The following RNF216 variants were observed in gnomAD, a reference collection of about 807,000 sequenced individuals.
RNF216 encodes E3 ubiquitin-protein ligase RNF216.
A neutral mutation model predicts 110.8 loss-of-function variants in RNF216; 72 were observed. The observed-to-expected ratio is 0.65, with a 90% CI of 0.54 to 0.79. The LOEUF (loss-of-function observed/expected upper bound fraction) is 0.79. Among genes scored for constraint, RNF216 ranks in the 30% least tolerant of loss-of-function variants. The pLI is 0.00. For synonymous variants in RNF216, 495 were observed against 407.5 expected (o/e 1.21, Z -2.59); for missense variants, 1,342 against 1,141.2 (o/e 1.18, Z -2.54).
chr7:5,629,670 T>TA (rs1584337180), intron 15 of RNF216, among the ~76,000 whole-genome samples: 1 of 151,256 alleles, frequency 6.6e-6, no homozygotes, highest in African/African-American at 2.4e-5. Flanking sequence ...CTACTAAAAA[T>TA]ACAAAAATTA....
chr7:5,672,992 T>C (rs1031613221), intron 13 of RNF216, among the ~76,000 whole-genome samples: 1 of 152,178 alleles, frequency 6.6e-6, no homozygotes, highest in Non-Finnish European at 1.5e-5. Context: ...CTGCGGTTTA[T>C]AGATGTATTG....
At chr7:5,722,314 A>G (rs1314329633) in intron 8 of RNF216, among the ~76,000 whole-genome samples, 2 of 148,842 alleles carry the variant, frequency 1.3e-5, no homozygotes, top group East Asian at 3.9e-4. Context: ...AATATTTACT[A>G]TCTGGTTCCT....
chr7:5,639,950 G>A (rs972229494), intron 15 of RNF216, among the ~76,000 whole-genome samples: 51 of 151,738 alleles, frequency 3.4e-4, no homozygotes, highest in Non-Finnish European at 7.1e-4. Context: ...TAGTAGAGAC[G>A]GGGTTTCGCC....
At chr7:5,719,387 GA>G (rs1401106347) in intron 9 of RNF216, among the ~76,000 whole-genome samples, 1 of 152,138 alleles carries the variant, frequency 6.6e-6, no homozygotes, top group Non-Finnish European at 1.5e-5. Context: ...AAAAAGAAAA[GA>G]AAAAAGCAAA....
rs544900898 is a variant in RNF216 at position 5,624,590 on chromosome 7, G to A, written c.2383-465C>T. Among the ~76,000 whole-genome samples, 33 of 152,334 alleles carry A rather than the reference G, an allele frequency of 2.2e-4. 1 individual carries two copies. Among genetic ancestry groups the A allele is most frequent in the South Asian group, 8.3e-4 (4 of 4,828 alleles). ...AACTGAGATGGACAAATGTCCAGTC[G>A]GGCCCTGCTTAGCCCCCAAGGCTGG... On this transcript the variant is annotated intron_variant, in intron 15 of 16. Transcript: ENST00000389902. The surrounding 1 kb of genome is among the most constrained non-coding windows in gnomAD (Gnocchi z 4.4).
intron 7 of RNF216, among the ~76,000 whole-genome samples, chr7:5,727,432 C>G (rs1478807076): frequency 1.3e-5 from 2 of 152,192 alleles, no homozygotes; most frequent in Non-Finnish European, 2.9e-5. Flanking sequence ...CTTGCACAAA[C>G]TCTTAGCAGC....
At chr7:5,629,861 G>A (rs145187193) in intron 15 of RNF216, among the ~76,000 whole-genome samples, 131 of 151,416 alleles carry the variant, frequency 8.7e-4, no homozygotes, top group African/African-American at 2.8e-3. Context: ...AGGGAGGGAG[G>A]GTTTAGGATT....
Position 5,624,147 on chromosome 7 carries a change from G to T in RNF216, c.2383-22C>A. 1 of 1,605,958 alleles carries T rather than the reference G, an allele frequency of 6.2e-7. No individual in the cohort carries two copies. Among genetic ancestry groups the T allele is most frequent in the Non-Finnish European group, 8.5e-7 (1 of 1,174,608 alleles). On this transcript the variant is annotated intron_variant, in intron 15 of 16. Transcript: ENST00000389902. The surrounding 1 kb of genome is among the most constrained non-coding windows in gnomAD (Gnocchi z 4.4). ...CTTCCTAAAACGCAAGCAATGAGAA[G>T]GATGAACCTGTAGCTTCATGCAGTG...
rs117324562 is a variant in RNF216 at position 5,625,550 on chromosome 7, G to A, written c.2383-1425C>T. 5.6e-4 allele frequency among the ~76,000 whole-genome samples: 86 copies of A among 152,336 alleles called. No homozygotes were observed. The East Asian group carries it at 8.9e-3, about 16-fold the overall frequency. ...TCGAGGGCTAACCAACGGACAGTTT[G>A]CAGGTTTACTTACTAGGTTATTAAT... On this transcript the variant is annotated intron_variant, in intron 15 of 16. Transcript: ENST00000389902.
chr7:5,756,291 G>A (rs957255267), intron 2 of RNF216, among the ~76,000 whole-genome samples: 5 of 152,126 alleles, frequency 3.3e-5, no homozygotes, highest in South Asian at 4.1e-4. Flanking sequence ...ACCTCTTTCC[G>A]TCATAAATTA....
At chr7:5,699,341 T>C (rs1171293757) in intron 13 of RNF216, among the ~76,000 whole-genome samples, 1 of 152,234 alleles carries the variant, frequency 6.6e-6, no homozygotes, top group African/African-American at 2.4e-5. Context: ...TGAGAAACCC[T>C]GGATTTGACT....
chr7:5,731,354 C>T (rs1382965081), intron 5 of RNF216, among the ~76,000 whole-genome samples: 1 of 152,180 alleles, frequency 6.6e-6, no homozygotes, highest in Admixed American at 6.5e-5. Context: ...TTGAGTTACA[C>T]GTGGTTTATT....
intron 13 of RNF216, among the ~76,000 whole-genome samples, chr7:5,709,930 AT>A (rs1056762030): frequency 6.6e-6 from 1 of 151,910 alleles, no homozygotes; most frequent in African/African-American, 2.4e-5. Context: ...GAGTTTTAAA[AT>A]TTTTTTTGTA....
chr7:5,623,412 C>T (rs1272408597), intron 16 of RNF216, among the ~76,000 whole-genome samples: 1 of 152,014 alleles, frequency 6.6e-6, no homozygotes, highest in Non-Finnish European at 1.5e-5. Flanking sequence ...ACCCACCCAG[C>T]CAGACATCCT....
At position 5,741,733 on chromosome 7, in the gene RNF216, C is replaced by T. The variant is rs1409471910; in HGVS notation, c.284G>A (p.Arg95Lys). 6.2e-7 allele frequency: 1 copy of T among 1,614,146 alleles called. No individual in the cohort carries two copies. The highest frequency in any genetic ancestry group is 1.1e-5 in the South Asian group (1 of 91,082). ...WQDLKRLGEE[R>K]PKKSRAAFES... is the part of the protein sequence containing the mutation. The stretch of plus-strand genomic sequence containing the variant: ...AAATGCTGCTCTAGACTTTTTAGGC[C>T]TTTCTTCTCCCAACCTTTTCAGATC... Residue 95 changes from arginine (R) to lysine (K), a missense_variant, in exon 4 of 17, where the codon AGG (arginine) becomes AAG (lysine). Transcript: ENST00000389902.
intron 13 of RNF216, among the ~76,000 whole-genome samples, chr7:5,670,213 C>T (rs547124087): frequency 6.6e-6 from 1 of 152,098 alleles, no homozygotes; most frequent in Non-Finnish European, 1.5e-5. Context: ...GAATTACAGG[C>T]GTGAGCTACC....
chr7:5,623,977 A>G (rs1584325637), intron 16 of RNF216, 79 bp downstream of exon 16: 1 of 1,255,032 alleles, frequency 8.0e-7, no homozygotes, highest in Non-Finnish European at 1.1e-6. Flanking sequence ...GTTGAGTGCC[A>G]GGACACTCAG....
At chr7:5,643,256 G>C (rs992260482) in intron 14 of RNF216, among the ~76,000 whole-genome samples, 2 of 152,030 alleles carry the variant, frequency 1.3e-5, no homozygotes, top group African/African-American at 4.8e-5. Context: ...GTACTGGATA[G>C]GGCCAGAATG....
intron 15 of RNF216, 80 bp downstream of exon 15, chr7:5,641,073 AC>A: frequency 8.9e-7 from 1 of 1,122,052 alleles, no homozygotes; most frequent in Non-Finnish European, 1.3e-6. Flanking sequence ...AAATTTTGTT[AC>A]GTATATTCAA....
Sources: gnomAD v4.1 joint callset for allele counts (sites outside exome capture counted in the v4.1 genomes callset) on GRCh38, gnomAD v4.1.1 for gene constraint, Gnocchi (gnomAD v3.1) non-coding constraint, MANE v1.5 for transcripts, NCBI Gene and HGNC (gene_info 2026-07-23, HGNC 2026-07-21) for gene names.